Variants in IMMP2L observed in about 807,000 individuals in gnomAD.
IMMP2L encodes the protein mitochondrial inner membrane protease subunit 2.
In IMMP2L, 18 loss-of-function variants were observed where a neutral mutation model predicts 19.3. The observed-to-expected ratio is 0.93, with a 90% CI of 0.64 to 1.38. The LOEUF (loss-of-function observed/expected upper bound fraction) is 1.38. Ranked by LOEUF, IMMP2L falls within the 40% of genes most tolerant of loss-of-function variation. The probability of loss-of-function intolerance (pLI) is 0.00; values close to 1 mark genes in which losing one functional copy is unlikely to be tolerated. For missense variants in IMMP2L, 233 were observed against 218.2 expected (o/e 1.07, Z -0.43); for synonymous variants, 76 against 73.0 (o/e 1.04, Z -0.21).
intron 5 of IMMP2L, among the ~76,000 whole-genome samples, chr7:110,838,591 C>T (rs920200211): frequency 3.3e-5 from 5 of 151,522 alleles, no homozygotes; most frequent in Non-Finnish European, 7.4e-5. Context: ...GATAAAGACC[C>T]GAATGAGGAC....
chr7:111,097,584 GA>G lies in IMMP2L; in HGVS notation c.240-134020del, dbSNP rs140380963. Among the ~76,000 whole-genome samples the G allele has an allele frequency of 9.0e-3, 1,348 of 149,564 alleles. 24 individuals are homozygous for G. The highest frequency in any genetic ancestry group is 0.031 in the African/African-American group (1,268 of 40,790). On this transcript the variant is annotated intron_variant, in intron 3 of 5. Transcript: ENST00000405709. ...TAACTTTCAGCTTACCTTTCTTAAG[GA>G]AAAAAAACAAAAAAATGTTAAAAAT...
At chr7:110,770,844 CAT>C (rs1054469673) in intron 5 of IMMP2L, among the ~76,000 whole-genome samples, 1 of 152,148 alleles carries the variant, frequency 6.6e-6, no homozygotes, top group East Asian at 1.9e-4. Flanking sequence ...CTGTGTAGCA[CAT>C]GTCACTTTAT....
At chr7:111,151,641 G>A (rs1050644217) in intron 3 of IMMP2L, among the ~76,000 whole-genome samples, 11 of 152,068 alleles carry the variant, frequency 7.2e-5, no homozygotes, top group African/African-American at 2.4e-4. Context: ...AGTCAATCAC[G>A]GAAATCTGAA....
chr7:110,815,944 GT>G (rs976391573), intron 5 of IMMP2L, among the ~76,000 whole-genome samples: 1 of 151,976 alleles, frequency 6.6e-6, no homozygotes, highest in Non-Finnish European at 1.5e-5. Flanking sequence ...TTTTTGAAGG[GT>G]TTTTTGTGTC....
At chr7:110,811,554 C>T (rs1004670875) in intron 5 of IMMP2L, among the ~76,000 whole-genome samples, 5 of 151,956 alleles carry the variant, frequency 3.3e-5, no homozygotes, top group Non-Finnish European at 7.4e-5. Flanking sequence ...TTTATCCAGA[C>T]AATTTTTGGC....
At chr7:111,387,096 A>G (rs1308087455) in intron 3 of IMMP2L, among the ~76,000 whole-genome samples, 3 of 152,148 alleles carry the variant, frequency 2.0e-5, no homozygotes, top group Admixed American at 6.6e-5. Flanking sequence ...TATTATTTGT[A>G]TTTCTTGTTC....
chr7:111,091,317 A>T (rs1239584148), intron 3 of IMMP2L: 1 of 152,192 alleles, frequency 6.6e-6, no homozygotes, highest in African/African-American at 2.4e-5. Flanking sequence ...TTTAAAATAG[A>T]GAGATAAGAT....
intron 3 of IMMP2L, among the ~76,000 whole-genome samples, chr7:111,014,088 G>A (rs969893576): frequency 2.0e-5 from 3 of 152,152 alleles, no homozygotes; most frequent in Non-Finnish European, 4.4e-5. Context: ...AACAGGCCAG[G>A]TGTGGTGCCT....
chr7:111,559,914 A>T (rs2133194816), intron 1 of IMMP2L, among the ~76,000 whole-genome samples: 1 of 152,276 alleles, frequency 6.6e-6, no homozygotes, highest in South Asian at 2.1e-4. Flanking sequence ...CTACTTCTAC[A>T]TGAAGTTGTG....
intron 1 of IMMP2L, among the ~76,000 whole-genome samples, chr7:111,522,867 AG>A (rs1302706026): frequency 1.3e-5 from 2 of 150,234 alleles, no homozygotes; most frequent in East Asian, 3.9e-4. Flanking sequence ...ACAATAGCCA[AG>A]GTATGGAATT....
intron 3 of IMMP2L, among the ~76,000 whole-genome samples, chr7:111,376,805 A>G (rs922967374): frequency 1.3e-5 from 2 of 152,116 alleles, no homozygotes; most frequent in African/African-American, 2.4e-5. Context: ...AAAGAACCAC[A>G]TATCATGTAA....
intron 3 of IMMP2L, among the ~76,000 whole-genome samples, chr7:111,475,783 C>T (rs896428597): frequency 2.0e-5 from 3 of 152,076 alleles, no homozygotes; most frequent in African/African-American, 7.2e-5. Flanking sequence ...AAACGTCTAC[C>T]TGCCAACATT....
At chr7:110,782,795 C>T (rs552906521) in intron 5 of IMMP2L, among the ~76,000 whole-genome samples, 26 of 151,990 alleles carry the variant, frequency 1.7e-4, no homozygotes, top group Admixed American at 3.9e-4. Context: ...AAAACTATCA[C>T]ATGCCTTGGG....
chr7:111,342,080 T>C (rs1426105831), intron 3 of IMMP2L, among the ~76,000 whole-genome samples: 1 of 152,110 alleles, frequency 6.6e-6, no homozygotes, highest in Non-Finnish European at 1.5e-5. Flanking sequence ...GACAGGTATT[T>C]AAGAAAGAAC....
At chr7:111,175,449 G>T (rs1462190598) in intron 3 of IMMP2L, among the ~76,000 whole-genome samples, 3 of 151,850 alleles carry the variant, frequency 2.0e-5, no homozygotes, top group Non-Finnish European at 2.9e-5. Context: ...TTGTAGGTTT[G>T]TTATGAAGAG....
chr7:110,885,257 C>T (rs1282835933), intron 5 of IMMP2L, among the ~76,000 whole-genome samples: 1 of 151,886 alleles, frequency 6.6e-6, no homozygotes, highest in East Asian at 1.9e-4. Context: ...CCAAAATACT[C>T]CAATGAACAT....
intron 3 of IMMP2L, among the ~76,000 whole-genome samples, chr7:111,005,388 G>A (rs1457425201): frequency 6.6e-6 from 1 of 152,104 alleles, no homozygotes; most frequent in African/African-American, 2.4e-5. Context: ...AAATTATTAA[G>A]GAATTTGTGT....
At chr7:111,178,188 ATTTT>A (rs1042358280) in intron 3 of IMMP2L, among the ~76,000 whole-genome samples, 3 of 152,024 alleles carry the variant, frequency 2.0e-5, no homozygotes, top group Non-Finnish European at 4.4e-5. Context: ...AGTCATATAA[ATTTT>A]TTGTTTTCCC....
At chr7:111,068,806 C>A (rs534786457) in intron 3 of IMMP2L, among the ~76,000 whole-genome samples, 2 of 152,144 alleles carry the variant, frequency 1.3e-5, no homozygotes, top group Non-Finnish European at 2.9e-5. Context: ...CTTCCCAGAA[C>A]AAACCATGAG....
Sources: allele counts gnomAD v4.1 joint callset (sites outside exome capture counted in the v4.1 genomes callset), GRCh38; gene constraint gnomAD v4.1.1; transcripts MANE v1.5; gene names NCBI Gene and HGNC (gene_info 2026-07-23, HGNC 2026-07-21).